The following RFX7 variants were observed in gnomAD, a reference collection of about 807,000 sequenced individuals.
RFX7 encodes regulatory factor X7, also known as DNA-binding protein RFX7.
Under a neutral mutation model 111.8 loss-of-function variants are expected in RFX7, and 26 were observed. That is an observed-to-expected ratio of 0.23 (90% CI 0.17 to 0.32). RFX7 has a LOEUF of 0.32. Ranked by LOEUF, RFX7 falls within the 10% of genes least tolerant of loss-of-function variation. The pLI is 1.00. For missense variants in RFX7, 1,573 were observed against 1,772.9 expected, an observed-to-expected ratio of 0.89 and a Z score of 2.02; for synonymous variants, 624 against 624.4, an observed-to-expected ratio of 1.00 and a Z score of 0.01.
intron 5 of RFX7, among the ~76,000 whole-genome samples, chr15:56,116,584 G>T (rs1314953978): frequency 6.6e-6 from 1 of 152,136 alleles, no homozygotes; most frequent in Non-Finnish European, 1.5e-5. Context: ...ATGTATAGAA[G>T]AGGTGAGAAA....
At chr15:56,233,212 A>C (rs369465201) in intron 2 of RFX7, among the ~76,000 whole-genome samples, 33 of 152,356 alleles carry the variant, frequency 2.2e-4, no homozygotes, top group African/African-American at 7.9e-4. Context: ...TAATCGTGGC[A>C]GGGAGGCCGC....
At chr15:56,152,702 C>T (rs1293953359) in intron 3 of RFX7, among the ~76,000 whole-genome samples, 2 of 148,040 alleles carry the variant, frequency 1.4e-5, no homozygotes, top group Admixed American at 6.7e-5. Context: ...TAACTAAGAT[C>T]AGAGCAGAAC....
At chr15:56,116,373 G>C (rs2042009190) in intron 5 of RFX7, among the ~76,000 whole-genome samples, 1 of 152,206 alleles carries the variant, frequency 6.6e-6, no homozygotes, top group Admixed American at 6.5e-5. Flanking sequence ...CATGCAGTCA[G>C]TACTCAATAC....
chr15:56,094,751 C>T lies in RFX7; in HGVS notation c.2977G>A (p.Ala993Thr), dbSNP rs767510492. The T allele has an allele frequency of 1.9e-6, 3 of 1,613,424 alleles. No homozygotes were observed. Among genetic ancestry groups the T allele is most frequent in the Middle Eastern group, 1.7e-4 (1 of 6,056 alleles). The change falls in exon 10 of 10, where the codon GCT becomes ACT. Residue 993 changes from alanine to threonine, a missense_variant. Ala to Thr is a moderately conservative substitution (Grantham distance 58). This residue lies in a region of RFX7 where 625 missense variants were observed against 632.2 expected (regional missense o/e 0.99). Transcript: ENST00000559447. The stretch of plus-strand genomic sequence containing the variant: ...GGTGTATGTCGGCTACTTCCTAAAG[C>T]ACTATCCACAGGTGTAGTCTGGGCT... ...RLAQTTPVDS[A>T]LGSSRHTPIG...
At chr15:56,101,920 C>T (rs578075062) in intron 7 of RFX7, among the ~76,000 whole-genome samples, 97 of 152,290 alleles carry the variant, frequency 6.4e-4, no homozygotes, top group African/African-American at 2.1e-3. Context: ...CTTGACTATA[C>T]ACACATATAG....
At position 56,162,415 on chromosome 15, in the gene RFX7, T is replaced by G. The variant is rs1298825439; in HGVS notation, c.195+16855A>C. Among the ~76,000 whole-genome samples, 6 of 152,122 alleles carry G rather than the reference T, an allele frequency of 3.9e-5. No homozygotes were observed. The East Asian group carries it at 1.2e-3, about 29-fold the overall frequency. On this transcript the variant is annotated intron_variant, in intron 3 of 9. Coordinates refer to ENST00000559447, the MANE Select transcript of RFX7 (RefSeq NM_022841.7). The stretch of plus-strand genomic sequence containing the variant: ...TTCATTTGTTTCCATCAGAGCACAC[T>G]TTTGTGTATTATGTCATTCTTTGAA...
At chr15:56,167,086 A>AGGCCAGGAGTT (rs1438316250) in intron 3 of RFX7, among the ~76,000 whole-genome samples, 1 of 152,126 alleles carries the variant, frequency 6.6e-6, no homozygotes, top group African/African-American at 2.4e-5. Flanking sequence ...GGATCACTTG[A>AGGCCAGGAGTT]GGCCAGGAGT....
At chr15:56,230,189 C>T (rs1202873122) in intron 2 of RFX7, among the ~76,000 whole-genome samples, 2 of 152,150 alleles carry the variant, frequency 1.3e-5, no homozygotes, top group Non-Finnish European at 2.9e-5. Context: ...GGCTGGAATA[C>T]AAAATAACTA....
chr15:56,113,759 A>G (rs1302020961), intron 5 of RFX7, among the ~76,000 whole-genome samples: 1 of 152,190 alleles, frequency 6.6e-6, no homozygotes, highest in African/African-American at 2.4e-5. Flanking sequence ...ATAATTAAGA[A>G]TTATCAATTT....
At chr15:56,170,177 CT>C (rs1183090709) in intron 3 of RFX7, among the ~76,000 whole-genome samples, 1 of 152,056 alleles carries the variant, frequency 6.6e-6, no homozygotes, top group Non-Finnish European at 1.5e-5. Flanking sequence ...TGTTCCTATA[CT>C]CAAGAAGCCA....
chr15:56,214,685 G>A (rs960467322), intron 2 of RFX7, among the ~76,000 whole-genome samples: 39 of 148,376 alleles, frequency 2.6e-4, no homozygotes, highest in East Asian at 4.2e-4. Context: ...ACTGCACTCC[G>A]GCCTGGGCAA....
At chr15:56,141,927 T>C (rs2042405057) in intron 5 of RFX7, among the ~76,000 whole-genome samples, 2 of 152,072 alleles carry the variant, frequency 1.3e-5, no homozygotes, top group Admixed American at 6.5e-5. Context: ...ATTATGTTTC[T>C]TTTGGTGAGG....
rs1158185729 is a variant in RFX7 at position 56,090,529 on chromosome 15, CCAGT to C, written c.*2812_*2815del. ...TATGTCCCATAAAACACCTTCAGAT[CCAGT>C]CAGTTTAATATAAAATGTTTTTAAT... On this transcript the variant is annotated 3_prime_UTR_variant, in exon 10 of 10. Coordinates refer to ENST00000559447, the MANE Select transcript of RFX7 (RefSeq NM_022841.7). The C allele has an allele frequency of 6.6e-6, 1 of 152,520 alleles. No homozygotes were observed. Among genetic ancestry groups the C allele is most frequent in the African/African-American group, 2.4e-5 (1 of 41,424 alleles). 9.4% of individuals were successfully genotyped at this position (152,520 alleles called of 1,614,324 possible).
chr15:56,188,278 A>T (rs1357617806), intron 2 of RFX7, among the ~76,000 whole-genome samples: 3 of 152,180 alleles, frequency 2.0e-5, no homozygotes, highest in African/African-American at 7.2e-5. Flanking sequence ...AAGATTTTTT[A>T]AAAATAATAA....
At chr15:56,209,379 C>A (rs984100875) in intron 2 of RFX7, among the ~76,000 whole-genome samples, 1 of 151,300 alleles carries the variant, frequency 6.6e-6, no homozygotes, top group South Asian at 2.1e-4. Context: ...AAACAAAAAT[C>A]GAGGGAATTT....
intron 2 of RFX7, 26 bp downstream of exon 2, chr15:56,243,099 A>T: frequency 7.4e-7 from 1 of 1,352,954 alleles, no homozygotes; most frequent in Non-Finnish European, 9.8e-7. Context: ...GGGCTTTTTC[A>T]CGCGAGCGAT....
intron 2 of RFX7, among the ~76,000 whole-genome samples, chr15:56,209,289 G>GA (rs765258300): frequency 1.0e-3 from 135 of 129,500 alleles, no homozygotes; most frequent in Middle Eastern, 3.8e-3. Context: ...AGTGTCAAGA[G>GA]AAAAAAAAAA....
chr15:56,152,615 T>C (rs2042588461), intron 3 of RFX7, among the ~76,000 whole-genome samples: 3 of 151,318 alleles, frequency 2.0e-5, no homozygotes, highest in South Asian at 4.2e-4. Context: ...GACCTAAAAT[T>C]GACACCCTAA....
At chr15:56,102,093 G>C in intron 7 of RFX7, 76 bp downstream of exon 7, 2 of 1,061,278 alleles carry the variant, frequency 1.9e-6, no homozygotes, top group East Asian at 2.5e-5. Flanking sequence ...AACCAAATGA[G>C]ACTTTGCAGG....
Sources: allele counts gnomAD v4.1 joint callset (sites outside exome capture counted in the v4.1 genomes callset), GRCh38; gene constraint gnomAD v4.1.1; regional missense constraint gnomAD v4.1.1; transcripts MANE v1.5; gene names NCBI Gene and HGNC (gene_info 2026-07-23, HGNC 2026-07-21).